TTLL5: variants seen among roughly 807,000 people sequenced by gnomAD.
TTLL5 encodes tubulin polyglutamylase TTLL5.
TTLL5 carries 132 observed loss-of-function variants against 168.4 expected under a neutral mutation model. The ratio of observed to expected loss-of-function variants is 0.78; its 90% CI spans 0.68 to 0.91. The LOEUF (loss-of-function observed/expected upper bound fraction) is 0.91. TTLL5 is among the 40% of genes least tolerant of loss of function. TTLL5 has a pLI of 0.00. For missense variants in TTLL5, 1,545 were observed against 1,581.5 expected (o/e 0.98, Z 0.39); for synonymous variants, 546 against 558.6 (o/e 0.98, Z 0.32).
At chr14:75,766,665 A>G (rs1038294547) in intron 20 of TTLL5, among the ~76,000 whole-genome samples, 9 of 152,180 alleles carry the variant, frequency 5.9e-5, no homozygotes, top group Non-Finnish European at 1.2e-4. Context: ...GTCGTTTAGT[A>G]TCAGAGACAG....
chr14:75,726,651 A>G (rs1406711343), intron 12 of TTLL5, among the ~76,000 whole-genome samples: 1 of 152,210 alleles, frequency 6.6e-6, no homozygotes, highest in Non-Finnish European at 1.5e-5. Context: ...AGAATGTAGT[A>G]TGCAACATAC....
chr14:75,666,047 C>T (rs537038712), intron 2 of TTLL5, among the ~76,000 whole-genome samples: 45 of 152,332 alleles, frequency 3.0e-4, no homozygotes, highest in Non-Finnish European at 5.4e-4. Flanking sequence ...CTTTTAGACT[C>T]CTACTGTTGA....
At chr14:75,724,355 C>T (rs190793861) in intron 12 of TTLL5, among the ~76,000 whole-genome samples, 65 of 152,260 alleles carry the variant, frequency 4.3e-4, no homozygotes, top group Admixed American at 6.5e-4. Context: ...GTTAGCCTTT[C>T]GGCAGTGTAT....
chr14:75,742,452 A>G (rs1324193210), intron 15 of TTLL5, among the ~76,000 whole-genome samples: 1 of 151,942 alleles, frequency 6.6e-6, no homozygotes, highest in African/African-American at 2.4e-5. Context: ...CTGGAGTGCA[A>G]TGGGGCAATC....
intron 7 of TTLL5, among the ~76,000 whole-genome samples, chr14:75,701,750 A>T (rs1886293659): frequency 6.6e-6 from 1 of 152,164 alleles, no homozygotes; most frequent in Non-Finnish European, 1.5e-5. Context: ...TCTGATTCTA[A>T]TTCCTTGGCT....
intron 3 of TTLL5, among the ~76,000 whole-genome samples, chr14:75,678,751 G>T (rs1884377315): frequency 6.6e-6 from 1 of 152,142 alleles, no homozygotes; most frequent in South Asian, 2.1e-4. Context: ...ATAACATTTG[G>T]GAGTATGTGA....
chr14:75,710,891 TCCTAAAG>T, intron 9 of TTLL5: 1 of 152,340 alleles, frequency 6.6e-6, no homozygotes, highest in South Asian at 2.1e-4. Flanking sequence ...CCATAATCTT[TCCTAAAG>T]AGACGGAACA....
intron 28 of TTLL5, among the ~76,000 whole-genome samples, chr14:75,826,402 A>G (rs1895139498): frequency 6.6e-6 from 1 of 151,908 alleles, no homozygotes; most frequent in South Asian, 2.1e-4. Context: ...AAAAATGGTT[A>G]TGATGGTACA....
chr14:75,850,363 G>T (rs1216917157), intron 28 of TTLL5, among the ~76,000 whole-genome samples: 1 of 131,360 alleles, frequency 7.6e-6, no homozygotes, highest in African/African-American at 2.9e-5. Context: ...CCAAGATCAC[G>T]CCATTGCACT....
intron 23 of TTLL5, 137 bp from the exon 24 acceptor site, chr14:75,779,438 A>T: frequency 8.6e-7 from 1 of 1,169,436 alleles, no homozygotes; most frequent in Non-Finnish European, 1.2e-6. Context: ...TATTTTAACC[A>T]CCTATTAATA....
In TTLL5 at chr14:75,731,103, A is replaced by AT. The variant is rs558923444; in HGVS notation, c.1043-1228dup. Among the ~76,000 whole-genome samples, 72 of 152,064 alleles carry AT rather than the reference A, an allele frequency of 4.7e-4. 1 individual carries two copies. Among genetic ancestry groups the AT allele is most frequent in the Non-Finnish European group, 9.6e-4 (65 of 67,970 alleles). On this transcript the variant is annotated intron_variant, in intron 12 of 31. Transcript: ENST00000298832. The stretch of plus-strand genomic sequence containing the variant: ...TTTGGCGGCCATCTTTTTAGAGTCT[A>AT]TTTTTTTGTTTTCTGAGAGTATTGA...
Position 75,925,082 on chromosome 14 carries a change from C to T in TTLL5, c.3823+22858C>T, listed in dbSNP as rs571097551. On this transcript the variant is annotated intron_variant, in intron 31 of 31. Transcript: ENST00000298832. The stretch of plus-strand genomic sequence containing the variant: ...CTCCAGGATGGGGCGGCTGGTCGGG[C>T]GGGGGGCTGACCCCCCAACCTCCCT... 2.8e-3 allele frequency among the ~76,000 whole-genome samples: 406 copies of T among 142,470 alleles called. 19 individuals carry two copies. The highest frequency in any genetic ancestry group is 9.3e-3 in the African/African-American group (348 of 37,242). The allele number at this position is 142,470 out of a possible 152,430, so 93.5% of individuals were successfully genotyped here.
At chr14:75,935,986 T>C (rs1227614619) in intron 31 of TTLL5, among the ~76,000 whole-genome samples, 2 of 152,350 alleles carry the variant, frequency 1.3e-5, no homozygotes, top group East Asian at 1.9e-4. Context: ...ACTTAAGTTA[T>C]GGCATATAGC....
At chr14:75,757,986 CAT>C (rs1228227998) in intron 18 of TTLL5, 4 of 1,071,290 alleles carry the variant, frequency 3.7e-6, no homozygotes, top group Non-Finnish European at 4.9e-6. Context: ...TGAATAGTAA[CAT>C]AAAAATTTTT....
At chr14:75,803,628 G>A (rs1347424506) in intron 27 of TTLL5, among the ~76,000 whole-genome samples, 2 of 152,186 alleles carry the variant, frequency 1.3e-5, no homozygotes. Context: ...GTCTTTTGGA[G>A]ATGAGATTTT....
chr14:75,661,462 G>C (rs7143743), intron 1 of TTLL5, 75 bp downstream of exon 1: 91,745 of 152,296 alleles, frequency 0.6, 29,052 homozygotes, highest in Non-Finnish European at 0.7. Context: ...CCTGCAGCAG[G>C]ACTTCCCGCT....
chr14:75,788,492 A>G (rs894674753), intron 26 of TTLL5, among the ~76,000 whole-genome samples: 1 of 152,132 alleles, frequency 6.6e-6, no homozygotes, highest in African/African-American at 2.4e-5. Flanking sequence ...CTTTATTCCA[A>G]TAAAATTGAA....
rs190391617 is a variant in TTLL5 at position 75,915,215 on chromosome 14, T to C, written c.3823+12991T>C. Among the ~76,000 whole-genome samples, 4 of 152,338 alleles carry C rather than the reference T, an allele frequency of 2.6e-5. No individual in the cohort carries two copies. The East Asian group carries it at 7.7e-4, about 29-fold the overall frequency. Reference sequence around the variant, plus strand: ...TCTTCTGAACTCACCATGAATTCTTTAGGTTCCTCTTAAGTTGTGTAATAC... The same window carrying C: ...TCTTCTGAACTCACCATGAATTCTTCAGGTTCCTCTTAAGTTGTGTAATAC... On this transcript the variant is annotated intron_variant, in intron 31 of 31. Transcript: ENST00000298832.
Position 75,904,302 on chromosome 14 carries a change from G to T in TTLL5, c.3823+2078G>T, listed in dbSNP as rs1168718809. On this transcript the variant is annotated intron_variant, in intron 31 of 31. Coordinates refer to ENST00000298832, the MANE Select transcript of TTLL5 (RefSeq NM_015072.5). ...TTCACCTGGGATTGTTATGAACTGC[G>T]AAGTAATGGCACAAGGGAATCATGG... 7 of 1,018,478 alleles carry T rather than the reference G, an allele frequency of 6.9e-6. No homozygotes were observed. The East Asian group carries it at 6.2e-4, about 91-fold the overall frequency. The allele number at this position is 1,018,478 out of a possible 1,614,324, so 63.1% of individuals were successfully genotyped here.
Sources: allele counts gnomAD v4.1 joint callset (sites outside exome capture counted in the v4.1 genomes callset), GRCh38; gene constraint gnomAD v4.1.1; transcripts MANE v1.5; gene names NCBI Gene and HGNC (gene_info 2026-07-23, HGNC 2026-07-21).